DNAH9: variants seen among roughly 807,000 people sequenced by gnomAD.
The protein encoded by DNAH9 is dynein axonemal heavy chain 9.
DNAH9 carries 345 observed loss-of-function variants against 471.6 expected under a neutral mutation model. That is an observed-to-expected ratio of 0.73 (90% CI 0.67 to 0.80). The LOEUF (loss-of-function observed/expected upper bound fraction) is 0.80, where lower values mean the gene tolerates loss of function less well. Ranked by LOEUF, DNAH9 falls within the 30% of genes least tolerant of loss-of-function variation. The pLI, the probability that DNAH9 is intolerant of heterozygous loss-of-function variation, is 0.00. For missense variants in DNAH9, 5,407 were observed against 5,609.2 expected (o/e 0.96, Z 1.15); for synonymous variants, 2,093 against 2,123.6 (o/e 0.99, Z 0.40).
intron 17 of DNAH9, among the ~76,000 whole-genome samples, chr17:11,672,037 T>C (rs1214427625): frequency 6.6e-6 from 1 of 152,206 alleles, no homozygotes; most frequent in Admixed American, 6.5e-5. Flanking sequence ...TTCTGGAGGA[T>C]TCGATAAAAT....
At chr17:11,723,621 G>C (rs2075100517) in intron 27 of DNAH9, 1 of 152,048 alleles carries the variant, frequency 6.6e-6, no homozygotes, top group African/African-American at 2.4e-5. Flanking sequence ...TTATAAAAAG[G>C]GTCTGCAGTT....
intron 45 of DNAH9, among the ~76,000 whole-genome samples, chr17:11,810,900 T>C (rs1235103839): frequency 6.6e-6 from 1 of 152,216 alleles, no homozygotes. Context: ...CCCAAAAAAC[T>C]TGACAGAGAG....
intron 4 of DNAH9, among the ~76,000 whole-genome samples, chr17:11,616,114 G>T (rs998139926): frequency 6.6e-6 from 1 of 152,134 alleles, no homozygotes; most frequent in East Asian, 1.9e-4. Context: ...ACTCTGGGTC[G>T]TCTTCCTTTT....
chr17:11,611,932 A>G (rs1391548900), intron 4 of DNAH9, 152 bp downstream of exon 4: 2 of 719,222 alleles, frequency 2.8e-6, no homozygotes, highest in Admixed American at 2.1e-5. Flanking sequence ...TACCACATCT[A>G]GATACATGAG....
chr17:11,950,991 C>T (rs914080342), intron 67 of DNAH9, among the ~76,000 whole-genome samples: 6 of 152,168 alleles, frequency 3.9e-5, no homozygotes, highest in Non-Finnish European at 7.3e-5. Flanking sequence ...GTCACGTTAT[C>T]GGGTGACTCC....
rs1057463835 is a variant in DNAH9, at chr17:11,969,495, C to G, written c.13429C>G (p.Leu4477Val). The G allele has an allele frequency of 7.4e-6, 12 of 1,613,404 alleles. No individual in the cohort carries two copies. The highest frequency in any genetic ancestry group is 1.3e-5 in the African/African-American group (1 of 74,804). The change falls in exon 69 of 69, where the codon CTG becomes GTG. Residue 4477 changes from leucine (L) to valine (V), a missense_variant. This residue lies in a region of DNAH9 where 4,636 missense variants were observed against 4,900.3 expected (regional missense o/e 0.95). Coordinates refer to ENST00000262442, the MANE Select transcript of DNAH9 (RefSeq NM_001372.4). ...KTKENPSKWV[L>V]AGVALLLQI ...TAAGGAAAACCCATCCAAGTGGGTTCTGGCTGGAGTAGCCTTGCTTCTCCA... is the reference window on the plus strand; with the variant it reads ...TAAGGAAAACCCATCCAAGTGGGTTGTGGCTGGAGTAGCCTTGCTTCTCCA...
chr17:11,902,733 G>A lies in DNAH9; in HGVS notation c.11421G>A (p.Met3807Ile). The change falls in exon 60 of 69, where the codon ATG (methionine) becomes ATA (isoleucine). Residue 3807 changes from methionine (M) to isoleucine (I), a missense_variant. Met to Ile is a conservative substitution (Grantham distance 10). Transcript: ENST00000262442. ...AAATTTCCCAGGTACTTTCATCAATGGAAGAATTCTCTAATCTGGATCGGG... is the reference window on the plus strand; with the variant it reads ...AAATTTCCCAGGTACTTTCATCAATAGAAGAATTCTCTAATCTGGATCGGG... ...AWGAVKVLSS[M>I]EEFSNLDRDI... is the part of the protein sequence containing the mutation. 2.5e-6 allele frequency: 4 copies of A among 1,607,966 alleles called. No homozygotes were observed. Among genetic ancestry groups the A allele is most frequent in the Non-Finnish European group, 1.7e-6 (2 of 1,177,814 alleles).
At chr17:11,746,023 A>G (rs1186908506) in intron 31 of DNAH9, among the ~76,000 whole-genome samples, 2 of 152,260 alleles carry the variant, frequency 1.3e-5, no homozygotes, top group Non-Finnish European at 2.9e-5. Context: ...CTGGAAAGAC[A>G]TGTATCCACA....
At chr17:11,901,360 A>G (rs111997725) in intron 59 of DNAH9, among the ~76,000 whole-genome samples, 105 of 152,362 alleles carry the variant, frequency 6.9e-4, no homozygotes, top group African/African-American at 2.4e-3. Flanking sequence ...TCCCCGGGCC[A>G]CACTGGAAGA....
intron 65 of DNAH9, among the ~76,000 whole-genome samples, chr17:11,935,151 G>A (rs950374560): frequency 8.6e-5 from 13 of 151,610 alleles, no homozygotes; most frequent in Middle Eastern, 3.2e-3. Context: ...TAGTGGAGAC[G>A]GGGTTTCATC....
At chr17:11,877,473 T>TA (rs550300868) in intron 53 of DNAH9, among the ~76,000 whole-genome samples, 5,672 of 68,406 alleles carry the variant, frequency 0.083, 420 homozygotes, top group Non-Finnish European at 0.097. Context: ...AAACTCTGTC[T>TA]AAAAAAAAAA....
chr17:11,735,311 A>G (rs1371274964), intron 28 of DNAH9, among the ~76,000 whole-genome samples: 21 of 152,176 alleles, frequency 1.4e-4, no homozygotes, highest in Non-Finnish European at 1.2e-4. Context: ...CCTTGCTGTG[A>G]CAACAAAAGT....
At chr17:11,916,241 C>T (rs558919144) in intron 61 of DNAH9, among the ~76,000 whole-genome samples, 1 of 152,294 alleles carries the variant, frequency 6.6e-6, no homozygotes, top group South Asian at 2.1e-4. Context: ...TAGTTTGCAG[C>T]TTCCTGTCAT....
Position 11,705,020 on chromosome 17 carries a change from T to G in DNAH9, c.5392-5T>G. 7 of 1,613,480 alleles carry G rather than the reference T, an allele frequency of 4.3e-6. No individual in the cohort carries two copies. Among genetic ancestry groups the G allele is most frequent in the Non-Finnish European group, 5.9e-6 (7 of 1,179,422 alleles). ...CACCCACCTACTCTACCACTCTCTCTTTAGGTAGACAATGCCCAGGCTTTC... is the reference window on the plus strand; with the variant it reads ...CACCCACCTACTCTACCACTCTCTCGTTAGGTAGACAATGCCCAGGCTTTC... On this transcript the variant is annotated splice_region_variant and splice_polypyrimidine_tract_variant and intron_variant, in intron 25 of 68. Transcript: ENST00000262442.
intron 60 of DNAH9, among the ~76,000 whole-genome samples, chr17:11,904,664 G>A (rs1204517390): frequency 7.0e-6 from 1 of 142,886 alleles, no homozygotes; most frequent in Admixed American, 7.0e-5. Context: ...AAAAGAATGG[G>A]GAAGGAATGG....
chr17:11,870,324 G>T (rs576338361), intron 51 of DNAH9, among the ~76,000 whole-genome samples: 5 of 152,184 alleles, frequency 3.3e-5, no homozygotes, highest in Non-Finnish European at 7.4e-5. Flanking sequence ...TATCAGCTAA[G>T]ACTCTGCAAA....
intron 43 of DNAH9, among the ~76,000 whole-genome samples, chr17:11,801,945 A>C (rs915478274): frequency 6.6e-6 from 1 of 152,246 alleles, no homozygotes; most frequent in Non-Finnish European, 1.5e-5. Context: ...CCATAGGCTT[A>C]TAAACAAACT....
chr17:11,905,024 G>A (rs763526020), intron 60 of DNAH9, among the ~76,000 whole-genome samples: 1 of 151,912 alleles, frequency 6.6e-6, no homozygotes, highest in Non-Finnish European at 1.5e-5. Flanking sequence ...ACAAGGTCAG[G>A]AGATCGAGAC....
intron 40 of DNAH9, 44 bp downstream of exon 40, chr17:11,783,792 T>C (rs1405705501): frequency 6.8e-7 from 1 of 1,472,722 alleles, no homozygotes; most frequent in Non-Finnish European, 9.5e-7. Context: ...CCTATCTTAC[T>C]AGAGCTGATG....
Sources: gnomAD v4.1 joint callset for allele counts (sites outside exome capture counted in the v4.1 genomes callset) on GRCh38, gnomAD v4.1.1 for gene constraint, gnomAD v4.1.1 regional missense constraint, MANE v1.5 for transcripts, NCBI Gene and HGNC (gene_info 2026-07-23, HGNC 2026-07-21) for gene names.